Variants in LAMA2 observed in about 807,000 individuals in gnomAD.
LAMA2 encodes laminin subunit alpha-2.
A neutral mutation model predicts 364.8 loss-of-function variants in LAMA2; 269 were observed. The ratio of observed to expected loss-of-function variants is 0.74; its 90% CI spans 0.67 to 0.82. The LOEUF (loss-of-function observed/expected upper bound fraction) is 0.82. Ranked by LOEUF, LAMA2 falls within the 40% of genes least tolerant of loss-of-function variation. The pLI is 0.00. For missense variants in LAMA2, 3,807 were observed against 3,873.2 expected (o/e 0.98, Z 0.45); for synonymous variants, 1,379 against 1,370.6 (o/e 1.01, Z -0.14).
chr6:129,412,810 C>G (rs1334386061), intron 40 of LAMA2, among the ~76,000 whole-genome samples: 1 of 152,094 alleles, frequency 6.6e-6, no homozygotes, highest in African/African-American at 2.4e-5. Context: ...CATGTAGGCC[C>G]CTACCATACT....
chr6:128,951,436 G>A (rs1780814827), intron 1 of LAMA2, among the ~76,000 whole-genome samples: 1 of 151,984 alleles, frequency 6.6e-6, no homozygotes, highest in South Asian at 2.1e-4. Flanking sequence ...TGGAGCATGG[G>A]GACCCCCTTT....
intron 1 of LAMA2, among the ~76,000 whole-genome samples, chr6:128,987,993 T>C (rs1326655669): frequency 6.6e-6 from 1 of 152,100 alleles, no homozygotes; most frequent in African/African-American, 2.4e-5. Flanking sequence ...TCCTCCCAAA[T>C]AGCTGGGATT....
intron 1 of LAMA2, among the ~76,000 whole-genome samples, chr6:128,938,381 C>A (rs1779960640): frequency 6.6e-6 from 1 of 152,136 alleles, no homozygotes; most frequent in African/African-American, 2.4e-5. Flanking sequence ...GTGCTAGACA[C>A]TGTTTGCATG....
intron 1 of LAMA2, among the ~76,000 whole-genome samples, chr6:128,902,525 A>C (rs1005647521): frequency 2.0e-5 from 3 of 152,250 alleles, no homozygotes; most frequent in Non-Finnish European, 4.4e-5. Flanking sequence ...TACACTATTC[A>C]TTATGACATG....
intron 37 of LAMA2, among the ~76,000 whole-genome samples, chr6:129,396,213 G>A (rs1332961509): frequency 6.6e-6 from 1 of 152,200 alleles, no homozygotes; most frequent in Admixed American, 6.5e-5. Context: ...TCAAGGTACT[G>A]TTGGTAACCA....
At chr6:129,081,809 T>C (rs1262276660) in intron 3 of LAMA2, among the ~76,000 whole-genome samples, 1 of 152,168 alleles carries the variant, frequency 6.6e-6, no homozygotes, top group African/African-American at 2.4e-5. Flanking sequence ...TTAAATGAAT[T>C]CAATACTCCA....
intron 35 of LAMA2, among the ~76,000 whole-genome samples, chr6:129,391,281 C>G (rs1167905183): frequency 6.6e-6 from 1 of 152,128 alleles, no homozygotes; most frequent in East Asian, 1.9e-4. Context: ...ATTGCTGTAA[C>G]CCCCAAAAGA....
intron 17 of LAMA2, among the ~76,000 whole-genome samples, chr6:129,277,280 T>C (rs1211862863): frequency 6.6e-6 from 1 of 152,198 alleles, no homozygotes; most frequent in Non-Finnish European, 1.5e-5. Flanking sequence ...ATTAGCTTCA[T>C]GTCTTGGCCA....
At chr6:129,318,257 A>G (rs946739519) in intron 27 of LAMA2, among the ~76,000 whole-genome samples, 2 of 152,184 alleles carry the variant, frequency 1.3e-5, no homozygotes, top group Admixed American at 6.6e-5. Flanking sequence ...TGTACATTGT[A>G]TCAGTGCTGG....
At chr6:129,444,119 G>A (rs955799422) in intron 44 of LAMA2, among the ~76,000 whole-genome samples, 1 of 152,072 alleles carries the variant, frequency 6.6e-6, no homozygotes, top group Non-Finnish European at 1.5e-5. Flanking sequence ...CACTAGACAA[G>A]GGAGGAAATT....
At chr6:129,507,955 T>A (rs1786238307) in intron 62 of LAMA2, among the ~76,000 whole-genome samples, 1 of 150,988 alleles carries the variant, frequency 6.6e-6, no homozygotes, top group Non-Finnish European at 1.5e-5. Flanking sequence ...GTTGTTTTTC[T>A]ACCTTCCAGT....
intron 1 of LAMA2, among the ~76,000 whole-genome samples, chr6:128,950,778 A>T (rs1296860722): frequency 3.9e-5 from 6 of 152,134 alleles, no homozygotes; most frequent in Non-Finnish European, 5.9e-5. Flanking sequence ...ATTTATTAAC[A>T]CACATATATA....
intron 4 of LAMA2, among the ~76,000 whole-genome samples, chr6:129,140,350 T>C (rs1314014272): frequency 6.6e-6 from 1 of 151,956 alleles, no homozygotes; most frequent in East Asian, 1.9e-4. Context: ...TGATAAGGTT[T>C]CCCCCCCTTT....
intron 37 of LAMA2, among the ~76,000 whole-genome samples, chr6:129,397,604 T>C (rs1296363262): frequency 6.6e-6 from 1 of 152,088 alleles, no homozygotes; most frequent in Non-Finnish European, 1.5e-5. Context: ...GGTTCAAAGC[T>C]AGAACCCATC....
intron 37 of LAMA2, among the ~76,000 whole-genome samples, chr6:129,394,372 T>A (rs1461175168): frequency 6.6e-6 from 1 of 152,270 alleles, no homozygotes; most frequent in African/African-American, 2.4e-5. Flanking sequence ...CAGGATTTTT[T>A]AAATCTATTC....
At chr6:129,211,321 C>T (rs1343333321) in intron 12 of LAMA2, among the ~76,000 whole-genome samples, 1 of 152,160 alleles carries the variant, frequency 6.6e-6, no homozygotes, top group Non-Finnish European at 1.5e-5. Context: ...AGACACTGAA[C>T]AGCCAGTGTT....
intron 1 of LAMA2, among the ~76,000 whole-genome samples, chr6:129,005,086 A>G (rs1412676972): frequency 6.6e-6 from 1 of 152,084 alleles, no homozygotes; most frequent in Non-Finnish European, 1.5e-5. Context: ...AATGTGTTTT[A>G]TTTTAAATAA....
intron 55 of LAMA2, among the ~76,000 whole-genome samples, chr6:129,482,183 CTG>C (rs1464413048): frequency 6.6e-6 from 1 of 152,168 alleles, no homozygotes; most frequent in African/African-American, 2.4e-5. Flanking sequence ...TCGTGCACAA[CTG>C]TGATTCCAGC....
intron 2 of LAMA2, among the ~76,000 whole-genome samples, chr6:129,058,476 G>A (rs1471050775): frequency 6.6e-6 from 1 of 152,166 alleles, no homozygotes; most frequent in Non-Finnish European, 1.5e-5. Context: ...ATATGTCTGG[G>A]TGAAAGTAAG....
Sources: gnomAD v4.1 joint callset for allele counts (sites outside exome capture counted in the v4.1 genomes callset) on GRCh38, gnomAD v4.1.1 for gene constraint, MANE v1.5 for transcripts, NCBI Gene and HGNC (gene_info 2026-07-23, HGNC 2026-07-21) for gene names.